The following NUMB variants were observed in gnomAD, a reference collection of about 807,000 sequenced individuals.
NUMB encodes protein numb homolog.
In NUMB, 29 loss-of-function variants were observed where a neutral mutation model predicts 59.7. That is an observed-to-expected ratio of 0.49 (90% CI 0.36 to 0.66). The LOEUF (loss-of-function observed/expected upper bound fraction) is 0.66. Among genes scored for constraint, NUMB ranks in the 30% least tolerant of loss-of-function variants. The probability of loss-of-function intolerance (pLI) is 0.00; values close to 1 mark genes in which losing one functional copy is unlikely to be tolerated. For synonymous variants in NUMB, 288 were observed against 288.2 expected (o/e 1.00, Z 0.01); for missense variants, 723 against 822.0 (o/e 0.88, Z 1.47).
At chr14:73,388,978 A>G (rs1895689469) in intron 2 of NUMB, among the ~76,000 whole-genome samples, 1 of 152,052 alleles carries the variant, frequency 6.6e-6, no homozygotes, top group Non-Finnish European at 1.5e-5. Flanking sequence ...GGGCGCCTGC[A>G]GTCCCAGCTA....
intron 11 of NUMB, 69 bp from the exon 12 acceptor site, chr14:73,279,493 G>A (rs1403610233): frequency 1.4e-6 from 2 of 1,445,152 alleles, no homozygotes; most frequent in Non-Finnish European, 1.9e-6. Context: ...CCTTGGAGCT[G>A]TGTCAGTCAG....
At chr14:73,375,044 T>C (rs1438444090) in intron 2 of NUMB, among the ~76,000 whole-genome samples, 2 of 152,158 alleles carry the variant, frequency 1.3e-5, no homozygotes, top group East Asian at 1.9e-4. Context: ...AGTTATTTGC[T>C]AAGGTGTTGC....
At chr14:73,282,182 G>C (rs2139803875) in intron 11 of NUMB, 177 bp downstream of exon 11, 2 of 535,968 alleles carry the variant, frequency 3.7e-6, no homozygotes, top group Non-Finnish European at 6.4e-6. Context: ...TAGAAAACAG[G>C]AAGGGCACAA....
At chr14:73,299,833 T>C (rs866446495) in intron 6 of NUMB, among the ~76,000 whole-genome samples, 10 of 152,292 alleles carry the variant, frequency 6.6e-5, no homozygotes, top group Middle Eastern at 3.4e-3. Flanking sequence ...AGAATTGTGA[T>C]AAACTAGCAT....
At chr14:73,347,689 G>C (rs1892989937) in intron 4 of NUMB, among the ~76,000 whole-genome samples, 1 of 152,068 alleles carries the variant, frequency 6.6e-6, no homozygotes, top group Admixed American at 6.6e-5. Flanking sequence ...TTGAAACTTT[G>C]GTTTCTAAGA....
intron 1 of NUMB, among the ~76,000 whole-genome samples, chr14:73,427,509 G>C (rs533497934): frequency 8.4e-4 from 128 of 152,050 alleles, no homozygotes; most frequent in African/African-American, 3.0e-3. Flanking sequence ...CCACCTGCTA[G>C]TTCTGTGACT....
chr14:73,344,615 C>T (rs1009609194), intron 4 of NUMB, among the ~76,000 whole-genome samples: 2 of 152,170 alleles, frequency 1.3e-5, no homozygotes, highest in East Asian at 3.8e-4. Flanking sequence ...CTAGTAACAA[C>T]TGAGTAAGTG....
At chr14:73,357,073 A>T in intron 3 of NUMB, 1 of 902,848 alleles carries the variant, frequency 1.1e-6, no homozygotes, top group African/African-American at 1.8e-5. Flanking sequence ...CATAAAAAAA[A>T]TGACAAAGGT....
intron 2 of NUMB, among the ~76,000 whole-genome samples, chr14:73,375,179 T>G (rs1894890665): frequency 6.6e-6 from 1 of 152,236 alleles, no homozygotes; most frequent in Admixed American, 6.5e-5. Context: ...CTAGTCTTTC[T>G]TAGTTGTCCT....
rs1485756111 is a variant in NUMB at position 73,275,600 on chromosome 14, A to T, written c.*978T>A. 6.6e-6 allele frequency: 1 copy of T among 152,250 alleles called. No homozygotes were observed. The highest frequency in any genetic ancestry group is 1.5e-5 in the Non-Finnish European group (1 of 68,050). The allele number at this position is 152,250 out of a possible 1,614,324, so 9.4% of individuals were successfully genotyped here. A position where few individuals can be genotyped will look rare whatever the true frequency, so the allele number is the denominator to read the frequency against. ...ATTAACATAAGGAAACTGCAGCAAT[A>T]TATAAAAGATATATTCTCTATAGAG... is the stretch of plus-strand genomic sequence containing the variant. On this transcript the variant is annotated 3_prime_UTR_variant, in exon 13 of 13. Transcript: ENST00000555238.
At chr14:73,289,663 A>T (rs1001027243) in intron 8 of NUMB, among the ~76,000 whole-genome samples, 4 of 152,198 alleles carry the variant, frequency 2.6e-5, no homozygotes, top group Non-Finnish European at 5.9e-5. Context: ...CTTTTTAAAA[A>T]TTTTTAAACT....
intron 4 of NUMB, among the ~76,000 whole-genome samples, chr14:73,328,059 G>A (rs1244728169): frequency 6.6e-6 from 1 of 152,184 alleles, no homozygotes; most frequent in Non-Finnish European, 1.5e-5. Flanking sequence ...TGGATCACTT[G>A]AGGTCAGGAG....
intron 2 of NUMB, among the ~76,000 whole-genome samples, chr14:73,386,456 T>C (rs1895527181): frequency 6.6e-6 from 1 of 151,576 alleles, no homozygotes; most frequent in African/African-American, 2.4e-5. Context: ...CAATTCCAGA[T>C]TTTTTTTTAA....
chr14:73,419,338 G>C (rs974739817), intron 1 of NUMB, among the ~76,000 whole-genome samples: 1 of 152,038 alleles, frequency 6.6e-6, no homozygotes, highest in African/African-American at 2.4e-5. Context: ...GTGAAACCCG[G>C]TCTCTACTAA....
chr14:73,445,565 C>T (rs188395241), intron 1 of NUMB, among the ~76,000 whole-genome samples: 24 of 152,110 alleles, frequency 1.6e-4, no homozygotes, highest in African/African-American at 5.5e-4. Flanking sequence ...CCAGTCCACA[C>T]AAATAACACA....
chr14:73,352,477 C>CACACACACAT (rs1566756099), intron 4 of NUMB, among the ~76,000 whole-genome samples: 3 of 12,694 alleles, frequency 2.4e-4, no homozygotes, highest in Non-Finnish European at 5.0e-4. Context: ...CACACACACA[C>CACACACACAT]ATATATATAT....
At chr14:73,376,087 T>TA (rs746392650) in intron 2 of NUMB, among the ~76,000 whole-genome samples, 28 of 152,262 alleles carry the variant, frequency 1.8e-4, no homozygotes, top group Non-Finnish European at 3.4e-4. Context: ...AAATAAAACT[T>TA]AGACTGGAAA....
chr14:73,387,743 AAAC>A (rs1464174051), intron 2 of NUMB, among the ~76,000 whole-genome samples: 1 of 149,454 alleles, frequency 6.7e-6, no homozygotes, highest in African/African-American at 2.6e-5. Flanking sequence ...AAAAAAAAAA[AAAC>A]AAAAACAAAC....
chr14:73,407,407 T>C (rs1300175053), intron 2 of NUMB, among the ~76,000 whole-genome samples: 1 of 152,080 alleles, frequency 6.6e-6, no homozygotes, highest in Non-Finnish European at 1.5e-5. Flanking sequence ...CTAACTGCAC[T>C]CCTCCCTGGG....
Sources: gnomAD v4.1 joint callset for allele counts (sites outside exome capture counted in the v4.1 genomes callset) on GRCh38, gnomAD v4.1.1 for gene constraint, MANE v1.5 for transcripts, NCBI Gene and HGNC (gene_info 2026-07-23, HGNC 2026-07-21) for gene names.